PXYLP1: variants seen among roughly 807,000 people sequenced by gnomAD.
PXYLP1 encodes 2-phosphoxylose phosphatase 1, also known as acid phosphatase-like 2.
In PXYLP1, 17 loss-of-function variants were observed where a neutral mutation model predicts 37.9. The ratio of observed to expected loss-of-function variants is 0.45; its 90% confidence interval spans 0.31 to 0.67. The LOEUF is 0.67. PXYLP1 is among the 30% of genes least tolerant of loss of function. The pLI, the probability that PXYLP1 is intolerant of heterozygous loss-of-function variation, is 0.07. For missense variants in PXYLP1, 511 were observed against 612.0 expected (o/e 0.84, Z 1.74); for synonymous variants, 221 against 232.2 (o/e 0.95, Z 0.44).
chr3:141,236,113 GC>G (rs1258543524), intron 1 of PXYLP1, among the ~76,000 whole-genome samples: 2 of 152,196 alleles, frequency 1.3e-5, no homozygotes, highest in African/African-American at 2.4e-5. Flanking sequence ...GCATGCGTCT[GC>G]CCCTCCCTCC....
chr3:141,234,314 T>C (rs770650183), intron 1 of PXYLP1: 21 of 152,206 alleles, frequency 1.4e-4, no homozygotes, highest in Non-Finnish European at 2.2e-4. Flanking sequence ...CATTCAAGAA[T>C]TGGGGTAGGT....
intron 2 of PXYLP1, chr3:141,267,322 C>T (rs899362160): frequency 1.1e-4 from 16 of 152,278 alleles, no homozygotes; most frequent in Admixed American, 7.2e-4. Context: ...CAGGGTCTAA[C>T]GTACTGCGTC....
rs952333965 is a variant in PXYLP1, at chr3:141,292,082, AC to A, written c.506-182del. Among the ~76,000 whole-genome samples the A allele has an allele frequency of 4.6e-5, 7 of 151,942 alleles. No individual in the cohort carries two copies. Among genetic ancestry groups the A allele is most frequent in the African/African-American group, 1.7e-4 (7 of 41,388 alleles). On this transcript the variant is annotated intron_variant, in intron 5 of 5. Transcript: ENST00000286353. This position sits in a 1 kb window ranked among gnomAD's most constrained non-coding sequence, Gnocchi z 4.3. ...CCGCTCTGCTCATCCTTCATGAATAACCCCAAGAGGCTCCCTTCACAAGCTG... is the reference window on the plus strand; with the variant it reads ...CCGCTCTGCTCATCCTTCATGAATAACCCAAGAGGCTCCCTTCACAAGCTG...
intron 1 of PXYLP1, among the ~76,000 whole-genome samples, chr3:141,242,579 T>TG (rs1940835454): frequency 2.0e-5 from 3 of 152,278 alleles, no homozygotes; most frequent in South Asian, 2.1e-4. Context: ...GAGACAGTGC[T>TG]GGGGGGTGGG....
chr3:141,247,860 G>A (rs184885156), intron 1 of PXYLP1, among the ~76,000 whole-genome samples: 1 of 152,076 alleles, frequency 6.6e-6, no homozygotes, highest in Non-Finnish European at 1.5e-5. Flanking sequence ...TGTAAACAAG[G>A]ATCATGGCCA....
intron 1 of PXYLP1, among the ~76,000 whole-genome samples, chr3:141,244,410 A>T (rs1319715404): frequency 6.6e-6 from 1 of 152,012 alleles, no homozygotes; most frequent in African/African-American, 2.4e-5. Flanking sequence ...AAATCAAAGC[A>T]TTAAAATATG....
chr3:141,262,569 C>G lies in PXYLP1; in HGVS notation c.79+2315C>G, dbSNP rs966696162. ...TGCTTATATAACTCTTCTGAAAGTA[C>G]CTTCTGTTTTAGGAAAGCCAATTTT... On this transcript the variant is annotated intron_variant, in intron 2 of 5. Transcript: ENST00000286353. The G allele has an allele frequency of 2.3e-6, 3 of 1,284,004 alleles. No individual in the cohort carries two copies. In the African/African-American group the frequency reaches 4.5e-5, roughly 19 times the overall value. 79.5% of individuals were successfully genotyped at this position (1,284,004 alleles called of 1,614,324 possible).
chr3:141,265,568 G>A (rs1941488423), intron 2 of PXYLP1, among the ~76,000 whole-genome samples: 3 of 152,122 alleles, frequency 2.0e-5, no homozygotes, highest in South Asian at 4.2e-4. Flanking sequence ...TGAAGGTATT[G>A]ACCCTGAAAG....
intron 1 of PXYLP1, among the ~76,000 whole-genome samples, chr3:141,244,408 G>T (rs1940887600): frequency 6.6e-6 from 1 of 151,482 alleles, no homozygotes; most frequent in Admixed American, 6.6e-5. Flanking sequence ...TAAAATCAAA[G>T]CATTAAAATA....
intron 4 of PXYLP1, among the ~76,000 whole-genome samples, chr3:141,280,900 G>T (rs1434831923): frequency 2.0e-5 from 3 of 152,196 alleles, no homozygotes; most frequent in Admixed American, 2.0e-4. Context: ...CCACAAGTTT[G>T]TTGCCCCAGG....
chr3:141,280,227 G>T (rs1027853380), intron 4 of PXYLP1, among the ~76,000 whole-genome samples: 1 of 152,216 alleles, frequency 6.6e-6, no homozygotes, highest in Non-Finnish European at 1.5e-5. Flanking sequence ...GTGCTCAGTG[G>T]GGAAGACGTT....
At position 141,278,426 on chromosome 3, in the gene PXYLP1, C is replaced by A; in HGVS notation, c.164C>A (p.Pro55His). The A allele has an allele frequency of 2.5e-6, 4 of 1,614,176 alleles. No homozygotes were observed. The highest frequency in any genetic ancestry group is 3.4e-6 in the Non-Finnish European group (4 of 1,180,016). ...KRIMPDPVTE[P>H]PVTDPVYEAL... ...ATCATGCCCGACCCTGTGACGGAGC[C>A]CCCTGTGACAGACCCCGTTTATGAA... Residue 55 changes from proline to histidine, a missense_variant, in exon 3 of 6, where the codon CCC (proline) becomes CAC (histidine). Coordinates refer to ENST00000286353, the MANE Select transcript of PXYLP1 (RefSeq NM_001037172.3).
chr3:141,263,652 T>A (rs1222222144), intron 2 of PXYLP1, among the ~76,000 whole-genome samples: 7 of 152,222 alleles, frequency 4.6e-5, no homozygotes, highest in Admixed American at 4.6e-4. Context: ...AATGCTGATT[T>A]TATGCTCATT....
At position 141,279,523 on chromosome 3, in the gene PXYLP1, A is replaced by T; in HGVS notation, c.365+19A>T. ...CTAACAGGTAAATTGCACTTTTTCT[A>T]AAAGTCATTTTCAAGTGTCTGTTAT... On this transcript the variant is annotated intron_variant, in intron 4 of 5. Coordinates refer to ENST00000286353, the MANE Select transcript of PXYLP1 (RefSeq NM_001037172.3). 6.2e-7 allele frequency: 1 copy of T among 1,614,094 alleles called. No homozygotes were observed. Among genetic ancestry groups the T allele is most frequent in the East Asian group, 2.2e-5 (1 of 44,894 alleles).
chr3:141,242,359 C>A (rs556296214), intron 1 of PXYLP1, among the ~76,000 whole-genome samples: 40 of 152,288 alleles, frequency 2.6e-4, no homozygotes, highest in South Asian at 1.0e-3. Flanking sequence ...GTGTTCATGT[C>A]CCATATAAGG....
intron 1 of PXYLP1, among the ~76,000 whole-genome samples, chr3:141,253,080 G>T (rs1941179883): frequency 6.6e-6 from 1 of 152,190 alleles, no homozygotes; most frequent in East Asian, 1.9e-4. Context: ...CTGCCTGGTG[G>T]TGTGGATCCT....
At chr3:141,283,229 A>T (rs1475941823) in intron 4 of PXYLP1, among the ~76,000 whole-genome samples, 1 of 151,124 alleles carries the variant, frequency 6.6e-6, no homozygotes. Flanking sequence ...TGATCAGCCC[A>T]CCTCAGCCTC....
chr3:141,239,367 G>T (rs1940739726), intron 1 of PXYLP1, among the ~76,000 whole-genome samples: 1 of 151,992 alleles, frequency 6.6e-6, no homozygotes, highest in Non-Finnish European at 1.5e-5. Flanking sequence ...GATTTTTTTT[G>T]GCTCTGTCTT....
intron 4 of PXYLP1, among the ~76,000 whole-genome samples, chr3:141,282,825 T>A (rs1941985091): frequency 6.6e-6 from 1 of 152,210 alleles, no homozygotes; most frequent in Non-Finnish European, 1.5e-5. Context: ...GGTTTCTGAC[T>A]GGGTGTCTGG....
Sources: allele counts gnomAD v4.1 joint callset (sites outside exome capture counted in the v4.1 genomes callset), GRCh38; gene constraint gnomAD v4.1.1; non-coding constraint Gnocchi (gnomAD v3.1); transcripts MANE v1.5; gene names NCBI Gene and HGNC (gene_info 2026-07-23, HGNC 2026-07-21).